CADM2: variants seen among roughly 807,000 people sequenced by gnomAD.
CADM2 encodes the protein cell adhesion molecule 2.
A neutral mutation model predicts 49.8 loss-of-function variants in CADM2; 12 were observed. That is an observed-to-expected ratio of 0.24 (90% CI 0.15 to 0.39). The LOEUF (loss-of-function observed/expected upper bound fraction) is 0.39, where lower values mean the gene tolerates loss of function less well. Among genes scored for constraint, CADM2 ranks in the 10% least tolerant of loss-of-function variants. CADM2 has a pLI of 1.00. For synonymous variants in CADM2, 214 were observed against 175.4 expected, an observed-to-expected ratio of 1.22 and a Z score of -1.74; for missense variants, 378 against 492.3, an observed-to-expected ratio of 0.77 and a Z score of 2.20.
intron 1 of CADM2, among the ~76,000 whole-genome samples, chr3:85,638,669 G>T (rs2064598638): frequency 6.6e-6 from 1 of 151,852 alleles, no homozygotes; most frequent in Non-Finnish European, 1.5e-5. Context: ...AAATGCTGTT[G>T]GATGACTCTT....
At chr3:85,842,001 C>G (rs530942808) in intron 3 of CADM2, among the ~76,000 whole-genome samples, 2 of 151,992 alleles carry the variant, frequency 1.3e-5, no homozygotes, top group South Asian at 2.1e-4. Flanking sequence ...ATAACAAACC[C>G]CTTTATCATG....
chr3:85,342,440 CAATT>C (rs1469107210), intron 1 of CADM2, among the ~76,000 whole-genome samples: 2 of 151,774 alleles, frequency 1.3e-5, no homozygotes, highest in Non-Finnish European at 2.9e-5. Context: ...TACATAATTT[CAATT>C]TATTATTTAA....
intron 1 of CADM2, among the ~76,000 whole-genome samples, chr3:85,304,180 A>G (rs1231316826): frequency 6.6e-6 from 1 of 151,814 alleles, no homozygotes; most frequent in African/African-American, 2.4e-5. Flanking sequence ...TGAAAAATAC[A>G]TATCTGAAGT....
chr3:85,749,631 A>C (rs2107854212), intron 2 of CADM2, among the ~76,000 whole-genome samples: 1 of 152,134 alleles, frequency 6.6e-6, no homozygotes. Flanking sequence ...AACTATAGAC[A>C]AGTTTTGTGT....
At chr3:84,978,072 A>G (rs938508526) in intron 1 of CADM2, among the ~76,000 whole-genome samples, 1 of 152,178 alleles carries the variant, frequency 6.6e-6, no homozygotes, top group Non-Finnish European at 1.5e-5. Flanking sequence ...ATTTTTAGAA[A>G]TGATAAAGGT....
At chr3:85,937,050 G>T (rs1033985344) in intron 7 of CADM2, among the ~76,000 whole-genome samples, 1 of 151,818 alleles carries the variant, frequency 6.6e-6, no homozygotes, top group African/African-American at 2.4e-5. Context: ...GCCTGCTCAA[G>T]TAGCATCCAA....
chr3:85,534,686 G>A (rs2061388579), intron 1 of CADM2, among the ~76,000 whole-genome samples: 1 of 152,136 alleles, frequency 6.6e-6, no homozygotes, highest in Non-Finnish European at 1.5e-5. Context: ...CTAGGCTATT[G>A]TCTAAAGTGC....
At chr3:86,045,771 C>T (rs1736594093) in intron 8 of CADM2, among the ~76,000 whole-genome samples, 1 of 152,130 alleles carries the variant, frequency 6.6e-6, no homozygotes, top group Admixed American at 6.5e-5. Flanking sequence ...CACCATTCTT[C>T]TAATGTGCTG....
At chr3:85,078,091 A>G (rs1181042025) in intron 1 of CADM2, among the ~76,000 whole-genome samples, 1 of 152,056 alleles carries the variant, frequency 6.6e-6, no homozygotes, top group Non-Finnish European at 1.5e-5. Flanking sequence ...ATATGGCTCA[A>G]AATAATGGTG....
chr3:85,638,904 A>G (rs1309705520), intron 1 of CADM2, among the ~76,000 whole-genome samples: 1 of 152,134 alleles, frequency 6.6e-6, no homozygotes, highest in Non-Finnish European at 1.5e-5. Flanking sequence ...TAAACTTAGA[A>G]AGGTTTTTTC....
chr3:86,032,867 G>C (rs758859242), intron 8 of CADM2, among the ~76,000 whole-genome samples: 1 of 151,638 alleles, frequency 6.6e-6, no homozygotes, highest in African/African-American at 2.4e-5. Context: ...AACCAACCCT[G>C]CCTTTCTCAT....
chr3:85,663,726 G>A (rs2065479163), intron 1 of CADM2, among the ~76,000 whole-genome samples: 1 of 152,072 alleles, frequency 6.6e-6, no homozygotes, highest in East Asian at 1.9e-4. Context: ...CAGCATAAAA[G>A]CATATTTCCC....
chr3:86,009,158 T>G, intron 8 of CADM2, among the ~76,000 whole-genome samples: 1 of 146,130 alleles, frequency 6.8e-6, no homozygotes, highest in African/African-American at 2.5e-5. Flanking sequence ...TATATATATA[T>G]AGGTATATAT....
intron 2 of CADM2, among the ~76,000 whole-genome samples, chr3:85,795,496 A>G (rs1159711327): frequency 6.6e-6 from 1 of 152,158 alleles, no homozygotes; most frequent in Non-Finnish European, 1.5e-5. Context: ...CTAGAGAACT[A>G]AAATCATACT....
chr3:85,613,520 A>G (rs866888320), intron 1 of CADM2, among the ~76,000 whole-genome samples: 9 of 151,820 alleles, frequency 5.9e-5, no homozygotes, highest in Non-Finnish European at 1.3e-4. Flanking sequence ...AATATTAAAG[A>G]GAGGTCTTTG....
intron 1 of CADM2, among the ~76,000 whole-genome samples, chr3:85,080,119 G>A (rs2037107426): frequency 6.6e-6 from 1 of 151,910 alleles, no homozygotes; most frequent in Admixed American, 6.6e-5. Flanking sequence ...TTCTGAAAAT[G>A]GGATATGAAC....
intron 5 of CADM2, among the ~76,000 whole-genome samples, chr3:85,908,664 G>A (rs891853078): frequency 3.3e-5 from 5 of 151,390 alleles, no homozygotes; most frequent in African/African-American, 4.8e-5. Context: ...AGCCATCTTT[G>A]TTTCATCTAT....
At chr3:85,362,126 G>T (rs1212660055) in intron 1 of CADM2, among the ~76,000 whole-genome samples, 1 of 152,072 alleles carries the variant, frequency 6.6e-6, no homozygotes. Context: ...GACAGGACCC[G>T]CCCAATGAAA....
chr3:85,124,164 A>C (rs1043713915), intron 1 of CADM2, among the ~76,000 whole-genome samples: 1 of 152,208 alleles, frequency 6.6e-6, no homozygotes, highest in African/African-American at 2.4e-5. Context: ...ATATTCCTTG[A>C]TAATTGCATT....
Sources: gnomAD v4.1 joint callset for allele counts (sites outside exome capture counted in the v4.1 genomes callset) on GRCh38, gnomAD v4.1.1 for gene constraint, MANE v1.5 for transcripts, NCBI Gene and HGNC (gene_info 2026-07-23, HGNC 2026-07-21) for gene names.